The following POC1B variants were observed in gnomAD, a reference collection of about 807,000 sequenced individuals.
POC1B encodes the protein POC1 centriolar protein homolog B.
In POC1B, 44 loss-of-function variants were observed where a neutral mutation model predicts 60.6. The ratio of observed to expected loss-of-function variants is 0.73; its 90% CI spans 0.57 to 0.93. The LOEUF (loss-of-function observed/expected upper bound fraction) is 0.93, where lower values mean the gene tolerates loss of function less well. POC1B is among the 40% of genes least tolerant of loss of function. The pLI, the probability that POC1B is intolerant of heterozygous loss-of-function variation, is 0.00. For synonymous variants in POC1B, 180 were observed against 198.9 expected (o/e 0.90, Z 0.80); for missense variants, 555 against 572.3 (o/e 0.97, Z 0.31).
At chr12:89,451,448 A>G (rs978508009) in intron 10 of POC1B, among the ~76,000 whole-genome samples, 7 of 152,258 alleles carry the variant, frequency 4.6e-5, no homozygotes, top group African/African-American at 1.4e-4. Context: ...GCAAAAGTCA[A>G]TTGAAGTCAA....
chr12:89,450,420 C>T (rs1370120545), intron 10 of POC1B, among the ~76,000 whole-genome samples: 1 of 152,168 alleles, frequency 6.6e-6, no homozygotes, highest in Non-Finnish European at 1.5e-5. Flanking sequence ...GTTGGCCAGG[C>T]TGGTCTCAAA....
At chr12:89,466,245 T>G (rs1482511306) in intron 9 of POC1B, among the ~76,000 whole-genome samples, 3 of 152,340 alleles carry the variant, frequency 2.0e-5, no homozygotes, top group Admixed American at 6.5e-5. Context: ...TCATAGGACC[T>G]AAGGGAATTT....
chr12:89,519,092 C>T (rs1266436541), intron 2 of POC1B, among the ~76,000 whole-genome samples: 3 of 152,064 alleles, frequency 2.0e-5, no homozygotes, highest in Non-Finnish European at 4.4e-5. Context: ...TTTTTGTTTT[C>T]CACCCAGGGT....
At chr12:89,473,334 C>T (rs552634328) in intron 4 of POC1B, among the ~76,000 whole-genome samples, 1 of 152,264 alleles carries the variant, frequency 6.6e-6, no homozygotes, top group African/African-American at 2.4e-5. Context: ...CACAGATTCA[C>T]ACAGAAAAAA....
At chr12:89,484,480 T>C (rs887723863) in intron 4 of POC1B, among the ~76,000 whole-genome samples, 1 of 152,266 alleles carries the variant, frequency 6.6e-6, no homozygotes, top group Non-Finnish European at 1.5e-5. Context: ...GAATATCAGC[T>C]GACAGTGGCT....
chr12:89,415,028 C>T (rs17016852), downstream of POC1B, among the ~76,000 whole-genome samples: 9,404 of 152,216 alleles, frequency 0.062, 706 homozygotes, highest in East Asian at 0.26. Context: ...ATTCACATTC[C>T]AAGCCCTTCC....
At chr12:89,417,167 G>A (rs1210350406), downstream of POC1B, among the ~76,000 whole-genome samples, 4 of 152,158 alleles carry the variant, frequency 2.6e-5, no homozygotes, top group Admixed American at 2.6e-4. Flanking sequence ...ATTTGTAAAT[G>A]AGATACAAAC....
chr12:89,497,379 A>G, intron 2 of POC1B, 37 bp from the exon 3 acceptor site: 2 of 1,571,128 alleles, frequency 1.3e-6, no homozygotes, highest in Non-Finnish European at 1.7e-6. Flanking sequence ...ACTGTTTGTT[A>G]AAATGCAAAC....
At chr12:89,478,188 C>T (rs767044113) in intron 4 of POC1B, among the ~76,000 whole-genome samples, 4 of 152,174 alleles carry the variant, frequency 2.6e-5, no homozygotes, top group Non-Finnish European at 5.9e-5. Context: ...TAGCTCACTG[C>T]GACCTCCGCC....
chr12:89,479,152 A>G (rs1260313787), intron 4 of POC1B, among the ~76,000 whole-genome samples: 4 of 152,194 alleles, frequency 2.6e-5, no homozygotes, highest in African/African-American at 9.6e-5. Flanking sequence ...TGTATAATAG[A>G]TACCTCATCT....
chr12:89,522,746 GAGGCTCTTA>G, intron 2 of POC1B: 1 of 1,504,704 alleles, frequency 6.6e-7, no homozygotes, highest in Non-Finnish European at 8.9e-7. Context: ...AATCTTCACT[GAGGCTCTTA>G]AGGCTCTTTG....
intron 4 of POC1B, among the ~76,000 whole-genome samples, chr12:89,488,034 GGGCAGTGACTATACTTATTAAA>G (rs1868738848): frequency 6.6e-6 from 1 of 152,132 alleles, no homozygotes; most frequent in South Asian, 2.1e-4. Flanking sequence ...ATATGGTACA[GGGCAGTGACTATACTTATTAAA>G]GTAATATTTT....
At chr12:89,421,306 G>A (rs1292890552) in intron 11 of POC1B, 49 bp from the exon 12 acceptor site, 4 of 1,430,566 alleles carry the variant, frequency 2.8e-6, no homozygotes, top group Non-Finnish European at 3.9e-6. Flanking sequence ...CTGGTGGTGA[G>A]GATGACAATG....
At chr12:89,513,783 T>C (rs948050389) in intron 2 of POC1B, among the ~76,000 whole-genome samples, 2 of 152,034 alleles carry the variant, frequency 1.3e-5, no homozygotes. Flanking sequence ...CCAGCTCCAG[T>C]GAGATCAGCA....
chr12:89,485,742 A>G (rs1242743781), intron 4 of POC1B, among the ~76,000 whole-genome samples: 1 of 152,212 alleles, frequency 6.6e-6, no homozygotes, highest in Admixed American at 6.5e-5. Flanking sequence ...GCTAGAAAAG[A>G]TTCACAAAAA....
chr12:89,432,685 G>C (rs962266676), intron 10 of POC1B, among the ~76,000 whole-genome samples: 2 of 152,132 alleles, frequency 1.3e-5, no homozygotes, highest in Non-Finnish European at 2.9e-5. Context: ...CTATGCTGAT[G>C]CAAATTTTAT....
At chr12:89,454,083 C>G (rs1325488027) in intron 10 of POC1B, among the ~76,000 whole-genome samples, 1 of 152,208 alleles carries the variant, frequency 6.6e-6, no homozygotes, top group Non-Finnish European at 1.5e-5. Flanking sequence ...GTATCTCTTG[C>G]ACTGATTCAG....
At chr12:89,519,996 C>A (rs777348158) in intron 2 of POC1B, 7 of 152,060 alleles carry the variant, frequency 4.6e-5, no homozygotes, top group Non-Finnish European at 1.0e-4. Flanking sequence ...GCTTTGGTAC[C>A]AATAAATTCG....
the POC1B span, among the ~76,000 whole-genome samples, chr12:89,413,491 C>T: frequency 6.6e-6 from 1 of 152,132 alleles, no homozygotes; most frequent in Non-Finnish European, 1.5e-5. Context: ...GCTACTATGC[C>T]CAGCCTGTTT....
Sources: gnomAD v4.1 joint callset for allele counts (sites outside exome capture counted in the v4.1 genomes callset) on GRCh38, gnomAD v4.1.1 for gene constraint, MANE v1.5 for transcripts, NCBI Gene and HGNC (gene_info 2026-07-23, HGNC 2026-07-21) for gene names.